GARNL3: variants seen among roughly 807,000 people sequenced by gnomAD.
GARNL3 encodes GTPase-activating Rap/Ran-GAP domain-like protein 3.
In GARNL3, 63 loss-of-function variants were observed where a neutral mutation model predicts 125.0. The ratio of observed to expected loss-of-function variants is 0.50; its 90% confidence interval spans 0.41 to 0.62. The LOEUF (loss-of-function observed/expected upper bound fraction) is 0.62. GARNL3 is among the 20% of genes least tolerant of loss of function. GARNL3 has a pLI of 0.00. For missense variants in GARNL3, 994 were observed against 1,244.0 expected, an observed-to-expected ratio of 0.80 and a Z score of 3.02; for synonymous variants, 439 against 457.5, an observed-to-expected ratio of 0.96 and a Z score of 0.52.
chr9:127,232,558 C>A (rs2063038088), intron 1 of GARNL3, among the ~76,000 whole-genome samples: 1 of 152,174 alleles, frequency 6.6e-6, no homozygotes, highest in African/African-American at 2.4e-5. Flanking sequence ...ATCCTTCCAC[C>A]TTAGCCTCTC....
At chr9:127,373,589 A>T in intron 22 of GARNL3, among the ~76,000 whole-genome samples, 1 of 152,022 alleles carries the variant, frequency 6.6e-6, no homozygotes, top group East Asian at 1.9e-4. Context: ...ATATAGTGAG[A>T]CCCTGGTCTC....
At chr9:127,373,494 A>G (rs1831716561) in intron 22 of GARNL3, among the ~76,000 whole-genome samples, 1 of 152,230 alleles carries the variant, frequency 6.6e-6, no homozygotes, top group Admixed American at 6.5e-5. Flanking sequence ...GCCGGGTCCG[A>G]TGGCTCACGC....
intron 2 of GARNL3, among the ~76,000 whole-genome samples, chr9:127,296,186 G>A (rs951341918): frequency 3.9e-5 from 6 of 152,134 alleles, no homozygotes; most frequent in Non-Finnish European, 7.4e-5. Context: ...AAATATAGAT[G>A]AAGCTTTGCT....
chr9:127,362,927 G>C (rs2131710490), intron 21 of GARNL3: 1 of 152,370 alleles, frequency 6.6e-6, no homozygotes, highest in Non-Finnish European at 1.5e-5. Context: ...GGTCCGAGAG[G>C]GGAAACAACT....
At chr9:127,333,514 T>C (rs2131576984) in intron 9 of GARNL3, among the ~76,000 whole-genome samples, 1 of 152,190 alleles carries the variant, frequency 6.6e-6, no homozygotes, top group East Asian at 1.9e-4. Flanking sequence ...TAGCACTAAG[T>C]ACAGAAGGCA....
At chr9:127,261,449 T>G (rs999075923), upstream of GARNL3, among the ~76,000 whole-genome samples, 18 of 148,080 alleles carry the variant, frequency 1.2e-4, no homozygotes, top group Non-Finnish European at 9.0e-5. Flanking sequence ...TTGCTCTTGT[T>G]GCCCAGGCTG....
chr9:127,255,454 G>A (rs1413145433), intron 2 of GARNL3, among the ~76,000 whole-genome samples: 1 of 152,182 alleles, frequency 6.6e-6, no homozygotes, highest in African/African-American at 2.4e-5. Context: ...TATTGGAAAT[G>A]AGTAAGTACA....
Position 127,357,391 on chromosome 9 carries a change from TG to T in GARNL3, c.2094+15del, listed in dbSNP as rs759641796. ...GAGGCCAACAGGGTAAGCCAGCGGT[TG>T]TGGGGACAAGTGAGAATCAGAAAAG... On this transcript the variant is annotated intron_variant, in intron 21 of 27. Transcript: ENST00000373387. 6.2e-7 allele frequency: 1 copy of T among 1,610,862 alleles called. No homozygotes were observed. Among genetic ancestry groups the T allele is most frequent in the South Asian group, 1.1e-5 (1 of 90,932 alleles).
rs145492261 is a variant in GARNL3 at position 127,387,322 on chromosome 9, C to T, written c.2518C>T (p.Leu840=). 7.8e-5 allele frequency: 125 copies of T among 1,611,282 alleles called. No individual in the cohort carries two copies. The African/African-American group carries it at 1.3e-3, about 17-fold the overall frequency. ...GRDTPVFPSS[L]GEGEIQSKNL... ...AGATACTCCAGTATTTCCTTCTTCC[C>T]TGGGGGAAGGTGAAGTCCAAGTTTT... Residue 840 remains leucine, a synonymous_variant, in exon 25 of 28, where the codon CTG becomes TTG. Transcript: ENST00000373387.
chr9:127,349,040 G>A lies in GARNL3; in HGVS notation c.1543+5G>A. On this transcript the variant is annotated splice_donor_5th_base_variant and intron_variant, in intron 17 of 27. Coordinates refer to ENST00000373387, the MANE Select transcript of GARNL3 (RefSeq NM_032293.5). ...CTGGCGTCTTGCTAGTGGATGGTTA[G>A]TGAGTAGCTGCTCCTACAAATGTCT... The A allele has an allele frequency of 3.2e-6, 5 of 1,581,358 alleles. No homozygotes were observed. Among genetic ancestry groups the A allele is most frequent in the Non-Finnish European group, 4.3e-6 (5 of 1,149,956 alleles).
At position 127,385,273 on chromosome 9, in the gene GARNL3, G is replaced by A. The variant is rs1390439226; in HGVS notation, c.2388+128G>A. ...AAGACCGGTGTCAGAATGCCAGCAC[G>A]AGATGGAAAGCCTGAAACCAGACTG... On this transcript the variant is annotated intron_variant, in intron 24 of 27. Transcript: ENST00000373387. The surrounding 1 kb of genome is among the most constrained non-coding windows in gnomAD (Gnocchi z 4.1). The A allele has an allele frequency of 1.3e-5, 7 of 552,420 alleles. No homozygotes were observed. Among genetic ancestry groups the A allele is most frequent in the South Asian group, 4.7e-5 (2 of 42,184 alleles). 34.2% of individuals were successfully genotyped at this position (552,420 alleles called of 1,614,324 possible). A position where few individuals can be genotyped will look rare whatever the true frequency, so the allele number is the denominator to read the frequency against.
intron 18 of GARNL3, 102 bp downstream of exon 18, chr9:127,354,046 A>G: frequency 2.5e-6 from 2 of 808,390 alleles, no homozygotes; most frequent in South Asian, 3.1e-5. Flanking sequence ...AAGTTCTGCC[A>G]GCTGTTTCCT....
intron 7 of GARNL3, among the ~76,000 whole-genome samples, chr9:127,331,260 A>G (rs571690023): frequency 3.3e-5 from 5 of 152,264 alleles, no homozygotes; most frequent in South Asian, 2.1e-4. Flanking sequence ...AGGCTGAGGC[A>G]GGTGGATTGC....
At position 127,365,287 on chromosome 9, in the gene GARNL3, G is replaced by A. The variant is rs375379900; in HGVS notation, c.2095-13G>A. 438 of 1,611,498 alleles carry A rather than the reference G, an allele frequency of 2.7e-4. 4 individuals carry two copies. The South Asian group carries it at 3.0e-3, about 11-fold the overall frequency. ...TCCAGCCTGCCCACTACCGTTGCCC[G>A]TTATCATTGCAGGTTAATTTTGTTG... is the stretch of plus-strand genomic sequence containing the variant. On this transcript the variant is annotated splice_polypyrimidine_tract_variant and intron_variant, in intron 21 of 27. Coordinates refer to ENST00000373387, the MANE Select transcript of GARNL3 (RefSeq NM_032293.5).
intron 2 of GARNL3, among the ~76,000 whole-genome samples, chr9:127,243,687 A>T (rs1291626885): frequency 6.6e-6 from 1 of 152,242 alleles, no homozygotes; most frequent in Non-Finnish European, 1.5e-5. Context: ...TTTTGAATAT[A>T]AATAGTATAT....
chr9:127,290,539 A>G (rs1564885348), intron 1 of GARNL3, among the ~76,000 whole-genome samples: 2 of 152,306 alleles, frequency 1.3e-5, no homozygotes, highest in South Asian at 4.1e-4. Flanking sequence ...GAAGGAGAAA[A>G]TAAGTTAAAT....
At chr9:127,346,765 G>A (rs1459746471) in intron 16 of GARNL3, among the ~76,000 whole-genome samples, 1 of 152,148 alleles carries the variant, frequency 6.6e-6, no homozygotes. Context: ...GCTCTGCAGA[G>A]GCCAGAGCCC....
rs975034675 is a variant in GARNL3 at position 127,378,655 on chromosome 9, G to T, written c.2162-4783G>T. Among the ~76,000 whole-genome samples the T allele has an allele frequency of 8.6e-5, 13 of 151,122 alleles. No homozygotes were observed. In the East Asian group the frequency reaches 2.3e-3, roughly 27 times the overall value. On this transcript the variant is annotated intron_variant, in intron 22 of 27. Coordinates refer to ENST00000373387, the MANE Select transcript of GARNL3 (RefSeq NM_032293.5). ...AAAATATGAGAGAAGGATATGAGCA[G>T]ATAATTTACAAAAGAAAGAAATCCA...
chr9:127,354,468 C>A, intron 19 of GARNL3, 58 bp downstream of exon 19: 2 of 974,216 alleles, frequency 2.1e-6, no homozygotes. Flanking sequence ...CTCAGGCTGC[C>A]CAGGTTTTAC....
Sources: gnomAD v4.1 joint callset for allele counts (sites outside exome capture counted in the v4.1 genomes callset) on GRCh38, gnomAD v4.1.1 for gene constraint, Gnocchi (gnomAD v3.1) non-coding constraint, MANE v1.5 for transcripts, NCBI Gene and HGNC (gene_info 2026-07-23, HGNC 2026-07-21) for gene names.